Variants in DPH6 observed in about 807,000 individuals in gnomAD.
DPH6 encodes the protein diphthamine biosynthesis 6.
Under a neutral mutation model 38.2 loss-of-function variants are expected in DPH6, and 33 were observed. The observed-to-expected ratio is 0.86, with a 90% CI of 0.65 to 1.15. The LOEUF (loss-of-function observed/expected upper bound fraction) is 1.15. Ranked by LOEUF, DPH6 falls within the 50% of genes most tolerant of loss-of-function variation. DPH6 has a pLI of 0.00. For synonymous variants in DPH6, 108 were observed against 103.0 expected (o/e 1.05, Z -0.30); for missense variants, 325 against 320.0 (o/e 1.02, Z -0.12).
intron 3 of DPH6, among the ~76,000 whole-genome samples, chr15:35,231,391 G>C (rs529471679): frequency 3.3e-5 from 5 of 152,224 alleles, no homozygotes; most frequent in African/African-American, 4.8e-5. Flanking sequence ...AAATGGAAGG[G>C]GGGTGGCATG....
chr15:35,334,952 C>T lies in DPH6; in HGVS notation n.208-3875G>A, dbSNP rs140084338. On this transcript the variant is annotated intron_variant and non_coding_transcript_variant, in intron 3 of 3. Coordinates refer to the DPH6 transcript ENST00000558973. ...ATTGCTGGGTCAAATGGTATTTCTG[C>T]CTCTAGGTCTTTGAGAAATTGCCAC... Among the ~76,000 whole-genome samples, 6 of 152,176 alleles carry T rather than the reference C, an allele frequency of 3.9e-5. No individual in the cohort carries two copies. The East Asian group carries it at 1.2e-3, about 29-fold the overall frequency.
chr15:35,486,117 A>T (rs2054394666), intron 3 of DPH6, among the ~76,000 whole-genome samples: 2 of 152,200 alleles, frequency 1.3e-5, no homozygotes, highest in South Asian at 4.1e-4. Context: ...GCCTCAGGAA[A>T]CTTACAATTA....
At chr15:35,240,642 G>A (rs537810935) in intron 3 of DPH6, among the ~76,000 whole-genome samples, 1 of 143,432 alleles carries the variant, frequency 7.0e-6, no homozygotes, top group Non-Finnish European at 1.5e-5. Context: ...CAGGGTTAAT[G>A]CTCATTTTTC....
chr15:35,324,431 C>T (rs2140849826), intron 3 of DPH6, among the ~76,000 whole-genome samples: 1 of 152,228 alleles, frequency 6.6e-6, no homozygotes, highest in Non-Finnish European at 1.5e-5. Flanking sequence ...CAGATAAGTG[C>T]ATCAGTTACT....
chr15:35,515,130 G>GT (rs1182154999), intron 3 of DPH6, among the ~76,000 whole-genome samples: 1 of 143,280 alleles, frequency 7.0e-6, no homozygotes, highest in African/African-American at 2.7e-5. Flanking sequence ...ACACACTAAG[G>GT]TTAAAAAAAA....
chr15:35,164,995 G>A, the DPH6 span, among the ~76,000 whole-genome samples: 3 of 151,726 alleles, frequency 2.0e-5, no homozygotes, highest in African/African-American at 7.3e-5. Context: ...TTCCCCTTAA[G>A]CTTACCTGTT....
chr15:35,260,110 A>C (rs573017239), intron 3 of DPH6, among the ~76,000 whole-genome samples: 4 of 151,984 alleles, frequency 2.6e-5, no homozygotes, highest in South Asian at 4.2e-4. Context: ...AGATTCTTTT[A>C]TTTTATTTTA....
At chr15:35,324,228 G>A (rs1021508602) in intron 3 of DPH6, among the ~76,000 whole-genome samples, 2 of 152,056 alleles carry the variant, frequency 1.3e-5, no homozygotes, top group African/African-American at 4.8e-5. Flanking sequence ...TTTATATTAG[G>A]GGACAATAGA....
At chr15:35,442,843 G>A (rs1197528079) in intron 5 of DPH6, among the ~76,000 whole-genome samples, 1 of 152,176 alleles carries the variant, frequency 6.6e-6, no homozygotes, top group Non-Finnish European at 1.5e-5. Context: ...AAGACACAAA[G>A]TCCTCATGGT....
In DPH6 at chr15:35,239,868, A is replaced by T. The variant is rs191646583; in HGVS notation, n.201-19286T>A. The stretch of plus-strand genomic sequence containing the variant: ...CCCAATCCCTTATTTCTGCACCCTG[A>T]CCTCTTATCTCTGTGCCCCAATCCC... On this transcript the variant is annotated intron_variant and non_coding_transcript_variant, in intron 3 of 3. Coordinates refer to the DPH6 transcript ENST00000560386. 3.8e-4 allele frequency among the ~76,000 whole-genome samples: 53 copies of T among 139,500 alleles called. 2 individuals are homozygous for T. Among genetic ancestry groups the T allele is most frequent in the African/African-American group, 1.3e-3 (50 of 38,462 alleles). The allele number at this position is 139,500 out of a possible 152,430, so 91.5% of individuals were successfully genotyped here. A position where few individuals can be genotyped will look rare whatever the true frequency, so the allele number is the denominator to read the frequency against.
the DPH6 span, among the ~76,000 whole-genome samples, chr15:35,197,811 A>G: frequency 2.8e-3 from 420 of 152,268 alleles, 2 homozygotes; most frequent in African/African-American, 9.6e-3. Context: ...CAAACAGGGG[A>G]ATTTTTTTCT....
chr15:35,183,992 T>C, the DPH6 span, among the ~76,000 whole-genome samples: 1 of 152,242 alleles, frequency 6.6e-6, no homozygotes, highest in Non-Finnish European at 1.5e-5. Flanking sequence ...ATCATCAGTA[T>C]GAATTCACCT....
chr15:35,259,094 G>A (rs1471949933), intron 3 of DPH6, among the ~76,000 whole-genome samples: 1 of 149,860 alleles, frequency 6.7e-6, no homozygotes, highest in East Asian at 2.0e-4. Context: ...GCAGTGGGCC[G>A]AGATCGCACC....
At chr15:35,382,163 C>T (rs1336591887) in intron 6 of DPH6, among the ~76,000 whole-genome samples, 1 of 152,148 alleles carries the variant, frequency 6.6e-6, no homozygotes, top group African/African-American at 2.4e-5. Context: ...AGGCCAGGCG[C>T]GTTGGCTCAC....
Position 35,351,720 on chromosome 15 carries a change from C to CTTTTT in DPH6, n.208-20648_208-20644dup, listed in dbSNP as rs758678929. 1.5e-5 allele frequency among the ~76,000 whole-genome samples: 2 copies of CTTTTT among 136,404 alleles called. 1 individual carries two copies. Among genetic ancestry groups the CTTTTT allele is most frequent in the African/African-American group, 5.3e-5 (2 of 37,414 alleles). The allele number at this position is 136,404 out of a possible 152,430, so 89.5% of individuals were successfully genotyped here. A position where few individuals can be genotyped will look rare whatever the true frequency, so the allele number is the denominator to read the frequency against. On this transcript the variant is annotated intron_variant and non_coding_transcript_variant, in intron 3 of 3. Coordinates refer to the DPH6 transcript ENST00000558973. ...ATTTTATGTAATTGATGTCAGACTT[C>CTTTTT]TTTTTTTTTTTTTTTTTGAGAGACA...
intron 3 of DPH6, among the ~76,000 whole-genome samples, chr15:35,465,340 C>T (rs1393345864): frequency 6.6e-6 from 1 of 152,190 alleles, no homozygotes; most frequent in Non-Finnish European, 1.5e-5. Flanking sequence ...AGCACACTTG[C>T]ATTATAGCTC....
At chr15:35,364,682 C>T (rs1368975751) in intron 3 of DPH6, among the ~76,000 whole-genome samples, 1 of 152,006 alleles carries the variant, frequency 6.6e-6, no homozygotes, top group East Asian at 1.9e-4. Flanking sequence ...TGTTTTTAAC[C>T]CACTTTGTTT....
intron 7 of DPH6, among the ~76,000 whole-genome samples, chr15:35,378,746 G>A (rs1448603102): frequency 6.6e-6 from 1 of 151,474 alleles, no homozygotes; most frequent in African/African-American, 2.4e-5. Flanking sequence ...AACACTGCAT[G>A]TTCTCACTCA....
the DPH6 span, among the ~76,000 whole-genome samples, chr15:35,159,830 G>C: frequency 2.0e-5 from 3 of 152,004 alleles, no homozygotes; most frequent in Middle Eastern, 3.2e-3. Context: ...GGACTGGATA[G>C]AGAAAATGTG....
Sources: gnomAD v4.1 joint callset for allele counts (sites outside exome capture counted in the v4.1 genomes callset) on GRCh38, gnomAD v4.1.1 for gene constraint, MANE v1.5 for transcripts, NCBI Gene and HGNC (gene_info 2026-07-23, HGNC 2026-07-21) for gene names.